LMX1B: variants seen among roughly 807,000 people sequenced by gnomAD.
LMX1B encodes the protein LIM homeobox transcription factor 1 beta.
In LMX1B, 12 loss-of-function variants were observed where a neutral mutation model predicts 51.4. The observed-to-expected ratio is 0.23, with a 90% confidence interval of 0.15 to 0.38. The LOEUF (loss-of-function observed/expected upper bound fraction) is 0.38, where lower values mean the gene tolerates loss of function less well. LMX1B is among the 10% of genes least tolerant of loss of function. The pLI is 1.00. For missense variants in LMX1B, 445 were observed against 571.1 expected (o/e 0.78, Z 2.25); for synonymous variants, 237 against 235.4 (o/e 1.01, Z -0.06).
intron 2 of LMX1B, among the ~76,000 whole-genome samples, chr9:126,650,563 C>T (rs1288111642): frequency 6.6e-6 from 1 of 152,226 alleles, no homozygotes; most frequent in Non-Finnish European, 1.5e-5. Context: ...GACCAGTTGT[C>T]CTGGAAAGAG....
At chr9:126,648,477 C>A (rs908051962) in intron 2 of LMX1B, among the ~76,000 whole-genome samples, 1 of 152,176 alleles carries the variant, frequency 6.6e-6, no homozygotes, top group African/African-American at 2.4e-5. Context: ...AATCTCAACT[C>A]CTCCCTCCTG....
At chr9:126,675,175 A>C (rs894488814) in intron 2 of LMX1B, among the ~76,000 whole-genome samples, 15 of 151,384 alleles carry the variant, frequency 9.9e-5, no homozygotes, top group East Asian at 1.9e-4. Flanking sequence ...ACAAAACAAA[A>C]CCCCCCCAAA....
intron 2 of LMX1B, among the ~76,000 whole-genome samples, chr9:126,651,052 G>A (rs376998665): frequency 2.0e-5 from 3 of 152,230 alleles, no homozygotes; most frequent in African/African-American, 7.2e-5. Context: ...AGGACTCCTA[G>A]GATGTGGGGA....
In LMX1B at chr9:126,669,957, G is replaced by A. The variant is rs559730995; in HGVS notation, c.327-20879G>A. 1.8e-4 allele frequency among the ~76,000 whole-genome samples: 28 copies of A among 152,274 alleles called. No homozygotes were observed. In the East Asian group the frequency reaches 5.2e-3, roughly 28 times the overall value. On this transcript the variant is annotated intron_variant, in intron 2 of 7. Coordinates refer to ENST00000373474, the MANE Select transcript of LMX1B (RefSeq NM_001174147.2). ...GGGTAGGAGAGAAATGAAGCCTTCC[G>A]AGGAGGCTGAGGGCAGGGCTCCTGG... is the stretch of plus-strand genomic sequence containing the variant.
intron 2 of LMX1B, among the ~76,000 whole-genome samples, chr9:126,668,698 C>T (rs969105406): frequency 6.6e-6 from 1 of 152,138 alleles, no homozygotes; most frequent in East Asian, 1.9e-4. Context: ...AGGTGATCCA[C>T]CCACCTCAGC....
intron 2 of LMX1B, among the ~76,000 whole-genome samples, chr9:126,621,875 A>AG (rs1306399128): frequency 1.3e-5 from 2 of 152,048 alleles, no homozygotes; most frequent in Non-Finnish European, 2.9e-5. Context: ...GTGGGGCATA[A>AG]GGGGCCACTG....
At position 126,696,589 on chromosome 9, in the gene LMX1B, G is replaced by A; in HGVS notation, c.*138G>A. On this transcript the variant is annotated 3_prime_UTR_variant, in exon 8 of 8. Transcript: ENST00000373474. The stretch of plus-strand genomic sequence containing the variant: ...CGGTGCCCTCCCCTCGGCCAGCTGG[G>A]CCTGACCACTGTGCCCGTTGGGTAC... 1.0e-6 allele frequency: 1 copy of A among 990,346 alleles called. No homozygotes were observed. The highest frequency in any genetic ancestry group is 1.5e-6 in the Non-Finnish European group (1 of 655,072). 61.3% of individuals were successfully genotyped at this position (990,346 alleles called of 1,614,324 possible).
At chr9:126,617,801 G>A (rs534505661) in intron 2 of LMX1B, among the ~76,000 whole-genome samples, 54 of 151,860 alleles carry the variant, frequency 3.6e-4, no homozygotes, top group African/African-American at 1.3e-3. Context: ...CTGGGGTGGG[G>A]AGTGCATTAT....
intron 2 of LMX1B, among the ~76,000 whole-genome samples, chr9:126,663,417 C>A (rs987920182): frequency 7.4e-6 from 1 of 135,072 alleles, no homozygotes; most frequent in Admixed American, 7.5e-5. Flanking sequence ...AGGCAAGACT[C>A]TTTCTCAAAA....
intron 2 of LMX1B, among the ~76,000 whole-genome samples, chr9:126,675,021 G>A (rs940470119): frequency 1.3e-5 from 2 of 152,166 alleles, no homozygotes; most frequent in African/African-American, 4.8e-5. Context: ...TGTAATAGAG[G>A]ATCAGGCAGC....
intron 2 of LMX1B, among the ~76,000 whole-genome samples, chr9:126,664,991 T>C (rs939680170): frequency 2.0e-5 from 3 of 152,234 alleles, no homozygotes; most frequent in African/African-American, 4.8e-5. Context: ...ATCTCTCTCA[T>C]TGGAGAGGCT....
At chr9:126,633,471 T>C (rs182663176) in intron 2 of LMX1B, among the ~76,000 whole-genome samples, 2 of 152,104 alleles carry the variant, frequency 1.3e-5, no homozygotes, top group Non-Finnish European at 2.9e-5. Flanking sequence ...CTGGCATGGG[T>C]GGGTGGGTTG....
chr9:126,665,824 C>G (rs1836333660), intron 2 of LMX1B, among the ~76,000 whole-genome samples: 1 of 152,244 alleles, frequency 6.6e-6, no homozygotes, highest in Admixed American at 6.5e-5. Flanking sequence ...CAGCTGTGTC[C>G]CTCTGCATGG....
At chr9:126,623,762 C>T (rs1199667945) in intron 2 of LMX1B, among the ~76,000 whole-genome samples, 2 of 152,030 alleles carry the variant, frequency 1.3e-5, no homozygotes, top group African/African-American at 2.4e-5. Context: ...ACCTCCTCTG[C>T]GCGGATTGCC....
chr9:126,650,591 A>G (rs1835982475), intron 2 of LMX1B, among the ~76,000 whole-genome samples: 1 of 152,232 alleles, frequency 6.6e-6, no homozygotes, highest in Admixed American at 6.5e-5. Flanking sequence ...ATGACACCGG[A>G]GGGCAGCGGG....
chr9:126,691,198 T>TCTGG, intron 3 of LMX1B, 130 bp downstream of exon 3: 1 of 669,166 alleles, frequency 1.5e-6, no homozygotes, highest in Non-Finnish European at 2.6e-6. Flanking sequence ...GGTACATGCA[T>TCTGG]ATCCAGATGC....
intron 2 of LMX1B, among the ~76,000 whole-genome samples, chr9:126,648,663 G>T (rs1180824967): frequency 4.6e-5 from 7 of 152,216 alleles, no homozygotes; most frequent in Non-Finnish European, 7.3e-5. Context: ...TGGATGGATA[G>T]ATCGATGGAC....
At chr9:126,647,289 C>A (rs553025761) in intron 2 of LMX1B, among the ~76,000 whole-genome samples, 19 of 152,306 alleles carry the variant, frequency 1.2e-4, no homozygotes, top group Admixed American at 3.3e-4. Context: ...CTTCCCCCTA[C>A]TCCAAGCCTA....
At position 126,697,905 on chromosome 9, in the gene LMX1B, C is replaced by T. The variant is rs1187294464; in HGVS notation, c.*1454C>T. On this transcript the variant is annotated 3_prime_UTR_variant, in exon 8 of 8. Coordinates refer to ENST00000373474, the MANE Select transcript of LMX1B (RefSeq NM_001174147.2). ...TTTTGTTTTGTTTGAGACGGAGTTT[C>T]GCTCTTGTTGCCCAGGCTGGAGTGC... is the stretch of plus-strand genomic sequence containing the variant. 7 of 155,366 alleles carry T rather than the reference C, an allele frequency of 4.5e-5. No homozygotes were observed. The highest frequency in any genetic ancestry group is 1.9e-4 in the East Asian group (1 of 5,326). The allele number at this position is 155,366 out of a possible 1,614,324, so 9.6% of individuals were successfully genotyped here.
Sources: gnomAD v4.1 joint callset for allele counts (sites outside exome capture counted in the v4.1 genomes callset) on GRCh38, gnomAD v4.1.1 for gene constraint, MANE v1.5 for transcripts, NCBI Gene and HGNC (gene_info 2026-07-23, HGNC 2026-07-21) for gene names.